The following CALD1 variants were observed in gnomAD, a reference collection of about 807,000 sequenced individuals.
CALD1 encodes caldesmon 1.
A neutral mutation model predicts 99.9 loss-of-function variants in CALD1; 33 were observed. That is an observed-to-expected ratio of 0.33 (90% CI 0.25 to 0.44). The LOEUF is 0.44. Among genes scored for constraint, CALD1 ranks in the 20% least tolerant of loss-of-function variants. The probability of loss-of-function intolerance (pLI) is 1.00; values close to 1 mark genes in which losing one functional copy is unlikely to be tolerated. For synonymous variants in CALD1, 310 were observed against 325.0 expected (o/e 0.95, Z 0.50); for missense variants, 861 against 962.1 (o/e 0.89, Z 1.39).
chr7:134,748,716 C>CT (rs1796657942), intron 1 of CALD1, among the ~76,000 whole-genome samples: 1 of 105,550 alleles, frequency 9.5e-6, no homozygotes, highest in East Asian at 4.0e-4. Context: ...CATCCCCCCG[C>CT]CCCCCAAAAA....
chr7:134,839,109 A>C (rs2132130328), intron 1 of CALD1, among the ~76,000 whole-genome samples: 1 of 152,340 alleles, frequency 6.6e-6, no homozygotes, highest in South Asian at 2.1e-4. Context: ...CCACTGCCTC[A>C]TGATAACCAT....
At chr7:134,775,601 C>T (rs1285287503), upstream of CALD1, among the ~76,000 whole-genome samples, 1 of 152,084 alleles carries the variant, frequency 6.6e-6, no homozygotes, top group Middle Eastern at 3.4e-3. Context: ...GTCCCAGCTA[C>T]TCGGGAGGCT....
chr7:134,763,123 ATCTATC>A, intron 1 of CALD1, among the ~76,000 whole-genome samples: 1 of 152,310 alleles, frequency 6.6e-6, no homozygotes. Context: ...CTCTCAGTCT[ATCTATC>A]TAGAGTCACA....
chr7:134,860,880 A>G lies in CALD1; in HGVS notation c.-41-6813A>G, dbSNP rs150663240. Among the ~76,000 whole-genome samples, 626 of 152,310 alleles carry G rather than the reference A, an allele frequency of 4.1e-3. 19 individuals are homozygous for G. The highest frequency in any genetic ancestry group is 0.039 in the Admixed American group (601 of 15,284). ...ATGAAATTCATGATTGAATAAAAAT[A>G]TGGATAGTGAAGATGTAGATTAAAA... On this transcript the variant is annotated intron_variant, in intron 2 of 14. Coordinates refer to ENST00000361675, the MANE Select transcript of CALD1 (RefSeq NM_033138.4).
At chr7:134,902,725 A>T (rs952370141) in intron 3 of CALD1, among the ~76,000 whole-genome samples, 3 of 152,342 alleles carry the variant, frequency 2.0e-5, no homozygotes, top group African/African-American at 7.2e-5. Context: ...CTGCCGCTTC[A>T]GTGTAATGAA....
intron 1 of CALD1, among the ~76,000 whole-genome samples, chr7:134,760,584 T>C (rs567763747): frequency 6.6e-6 from 1 of 152,388 alleles, no homozygotes; most frequent in South Asian, 2.1e-4. Flanking sequence ...ATGGTGTTTT[T>C]GTTTTTGGTC....
intron 5 of CALD1, among the ~76,000 whole-genome samples, chr7:134,934,486 T>A (rs1459517842): frequency 6.6e-6 from 1 of 152,156 alleles, no homozygotes; most frequent in African/African-American, 2.4e-5. Context: ...AAGAGGCCCA[T>A]AACTCCTTAC....
intron 3 of CALD1, among the ~76,000 whole-genome samples, chr7:134,890,527 G>C (rs1802105298): frequency 6.6e-6 from 1 of 152,200 alleles, no homozygotes; most frequent in African/African-American, 2.4e-5. Context: ...GATCGGATTT[G>C]TTCTCACTTG....
intron 2 of CALD1, among the ~76,000 whole-genome samples, chr7:134,862,662 G>A (rs147511068): frequency 7.6e-4 from 116 of 152,274 alleles, no homozygotes; most frequent in African/African-American, 2.5e-3. Flanking sequence ...ATGACATTCG[G>A]TATTTGGTGA....
At chr7:134,792,716 T>C (rs1797588365) in intron 1 of CALD1, among the ~76,000 whole-genome samples, 1 of 152,206 alleles carries the variant, frequency 6.6e-6, no homozygotes, top group Non-Finnish European at 1.5e-5. Context: ...TCTTAGGGGT[T>C]AGGACTGCTT....
At chr7:134,910,977 A>G (rs1215802410) in intron 3 of CALD1, among the ~76,000 whole-genome samples, 1 of 152,180 alleles carries the variant, frequency 6.6e-6, no homozygotes, top group Non-Finnish European at 1.5e-5. Flanking sequence ...CTAAGCAAAC[A>G]CTGGCAAGAA....
chr7:134,863,997 G>A (rs1800680446), intron 2 of CALD1, among the ~76,000 whole-genome samples: 1 of 152,170 alleles, frequency 6.6e-6, no homozygotes, highest in Non-Finnish European at 1.5e-5. Context: ...GTAAGATGCA[G>A]GACACGCCTC....
chr7:134,909,943 CAAGT>C (rs1803679625), intron 3 of CALD1, among the ~76,000 whole-genome samples: 1 of 151,810 alleles, frequency 6.6e-6, no homozygotes, highest in African/African-American at 2.4e-5. Flanking sequence ...TCTGTGGGAT[CAAGT>C]AAGATTGAGA....
intron 9 of CALD1, among the ~76,000 whole-genome samples, chr7:134,952,186 A>C: frequency 6.6e-6 from 1 of 151,938 alleles, no homozygotes; most frequent in Non-Finnish European, 1.5e-5. Context: ...CTGTAATCCC[A>C]GGTATTTGGG....
At chr7:134,733,550 T>C in the CALD1 span, among the ~76,000 whole-genome samples, 12 of 152,292 alleles carry the variant, frequency 7.9e-5, no homozygotes, top group East Asian at 2.1e-3. Context: ...GGCTCAAGCC[T>C]GTAATCCCAG....
chr7:134,722,145 G>A, the CALD1 span, among the ~76,000 whole-genome samples: 3 of 152,100 alleles, frequency 2.0e-5, no homozygotes, highest in African/African-American at 7.2e-5. Flanking sequence ...ACACCTTGCC[G>A]GTTATTCACA....
intron 14 of CALD1, among the ~76,000 whole-genome samples, chr7:134,967,450 A>G (rs1303480061): frequency 6.6e-6 from 1 of 152,220 alleles, no homozygotes; most frequent in Admixed American, 6.5e-5. Flanking sequence ...ATTTCTTAAT[A>G]GCTTGGCAAA....
chr7:134,774,936 G>A (rs939821135), upstream of CALD1, among the ~76,000 whole-genome samples: 17 of 152,108 alleles, frequency 1.1e-4, no homozygotes, highest in African/African-American at 4.1e-4. Context: ...TTAAATGAGT[G>A]TTCTTATGTG....
chr7:134,764,108 G>A (rs770969492), intron 1 of CALD1, among the ~76,000 whole-genome samples: 2 of 151,964 alleles, frequency 1.3e-5, no homozygotes, highest in Non-Finnish European at 2.9e-5. Flanking sequence ...TGGTATGCCT[G>A]GCATTCCTGG....
Sources: gnomAD v4.1 joint callset for allele counts (sites outside exome capture counted in the v4.1 genomes callset) on GRCh38, gnomAD v4.1.1 for gene constraint, MANE v1.5 for transcripts, NCBI Gene and HGNC (gene_info 2026-07-23, HGNC 2026-07-21) for gene names.